Variants in SCMH1 observed in about 807,000 individuals in gnomAD.
The protein encoded by SCMH1 is polycomb protein SCMH1.
SCMH1 carries 37 observed loss-of-function variants against 70.8 expected under a neutral mutation model. That is an observed-to-expected ratio of 0.52 (90% CI 0.40 to 0.69). The LOEUF (loss-of-function observed/expected upper bound fraction) is 0.69, where lower values mean the gene tolerates loss of function less well. Among genes scored for constraint, SCMH1 ranks in the 30% least tolerant of loss-of-function variants. The probability of loss-of-function intolerance (pLI) is 0.00; values close to 1 mark genes in which losing one functional copy is unlikely to be tolerated. For synonymous variants in SCMH1, 292 were observed against 307.4 expected, an observed-to-expected ratio of 0.95 and a Z score of 0.52; for missense variants, 607 against 827.3, an observed-to-expected ratio of 0.73 and a Z score of 3.27.
At chr1:41,196,330 A>G (rs1341346423) in intron 1 of SCMH1, among the ~76,000 whole-genome samples, 6 of 152,176 alleles carry the variant, frequency 3.9e-5, no homozygotes, top group Admixed American at 3.9e-4. Context: ...ACAAAGCTAC[A>G]GTAATCAAAA....
chr1:41,050,146 G>A (rs1233100945), intron 10 of SCMH1, among the ~76,000 whole-genome samples: 1 of 152,152 alleles, frequency 6.6e-6, no homozygotes, highest in Non-Finnish European at 1.5e-5. Flanking sequence ...GTGGGGAAGG[G>A]GTGCAGTGGG....
At chr1:41,153,858 G>A (rs1216798628) in intron 4 of SCMH1, among the ~76,000 whole-genome samples, 1 of 152,134 alleles carries the variant, frequency 6.6e-6, no homozygotes, top group Non-Finnish European at 1.5e-5. Context: ...ATAATATTCT[G>A]CCATATCTCC....
intron 6 of SCMH1, among the ~76,000 whole-genome samples, chr1:41,119,411 T>C (rs1288069074): frequency 3.4e-5 from 5 of 148,998 alleles, no homozygotes; most frequent in African/African-American, 1.2e-4. Context: ...TCCTTTTTGC[T>C]TGCCCAGCTT....
intron 5 of SCMH1, among the ~76,000 whole-genome samples, chr1:41,151,208 C>T (rs925128667): frequency 6.6e-6 from 1 of 152,172 alleles, no homozygotes; most frequent in Non-Finnish European, 1.5e-5. Context: ...CACAGTGGGA[C>T]TCAGTGTCAA....
intron 1 of SCMH1, among the ~76,000 whole-genome samples, chr1:41,209,994 G>C (rs1158126764): frequency 6.6e-6 from 1 of 152,190 alleles, no homozygotes; most frequent in Non-Finnish European, 1.5e-5. Context: ...TCCTTAAGTT[G>C]ATAAGCAACT....
chr1:41,226,181 C>T (rs1426611752), intron 1 of SCMH1, among the ~76,000 whole-genome samples: 1 of 152,146 alleles, frequency 6.6e-6, no homozygotes, highest in African/African-American at 2.4e-5. Flanking sequence ...GAGGTTTATA[C>T]TTCATCTTTA....
chr1:41,186,766 T>A (rs1046371104), intron 1 of SCMH1, among the ~76,000 whole-genome samples: 1 of 152,180 alleles, frequency 6.6e-6, no homozygotes, highest in Non-Finnish European at 1.5e-5. Flanking sequence ...TTCTCTCACA[T>A]AGAGAAAAAT....
chr1:41,159,777 A>C, intron 4 of SCMH1: 1 of 1,506,596 alleles, frequency 6.6e-7, no homozygotes, highest in South Asian at 1.3e-5. Flanking sequence ...AGAATGCTTC[A>C]CTTCAAAGAA....
chr1:41,111,248 C>T (rs1162474865), intron 8 of SCMH1, among the ~76,000 whole-genome samples: 6 of 152,098 alleles, frequency 3.9e-5, no homozygotes. Flanking sequence ...TAATGGTTCC[C>T]TAATATGTTT....
intron 1 of SCMH1, among the ~76,000 whole-genome samples, chr1:41,235,297 T>G (rs1241350567): frequency 1.3e-5 from 2 of 151,548 alleles, no homozygotes; most frequent in Non-Finnish European, 1.5e-5. Flanking sequence ...ATAACAAGAG[T>G]GGAATGCTAT....
At chr1:41,080,466 C>T (rs575454391) in intron 8 of SCMH1, among the ~76,000 whole-genome samples, 23 of 152,036 alleles carry the variant, frequency 1.5e-4, no homozygotes, top group Non-Finnish European at 2.5e-4. Context: ...GAACATACAT[C>T]CAAAATCTTT....
intron 8 of SCMH1, among the ~76,000 whole-genome samples, chr1:41,095,457 A>C (rs1664814868): frequency 6.6e-6 from 1 of 152,206 alleles, no homozygotes. Flanking sequence ...CGTATTGGGC[A>C]GTGAAAACTG....
intron 1 of SCMH1, among the ~76,000 whole-genome samples, chr1:41,225,706 ATAAG>A (rs1660140026): frequency 1.3e-5 from 2 of 152,236 alleles, no homozygotes; most frequent in African/African-American, 4.8e-5. Context: ...TGGAAAAGTA[ATAAG>A]TAGTGAAAGG....
intron 4 of SCMH1, chr1:41,152,832 T>C: frequency 7.7e-7 from 1 of 1,298,356 alleles, no homozygotes; most frequent in Non-Finnish European, 1.0e-6. Flanking sequence ...TTATAGCTTC[T>C]GTTTTATAAC....
chr1:41,122,698 T>C (rs1352060798), intron 6 of SCMH1, among the ~76,000 whole-genome samples: 1 of 152,222 alleles, frequency 6.6e-6, no homozygotes, highest in Non-Finnish European at 1.5e-5. Flanking sequence ...AACTTACCAG[T>C]AGTCACACAA....
chr1:41,234,865 C>T (rs79554388), intron 1 of SCMH1, among the ~76,000 whole-genome samples: 1,669 of 152,274 alleles, frequency 0.011, 31 homozygotes, highest in African/African-American at 0.038. Flanking sequence ...TGTCACTTCC[C>T]TCCTTCTGCC....
At chr1:41,128,008 A>C (rs1312225881) in intron 6 of SCMH1, among the ~76,000 whole-genome samples, 1 of 152,198 alleles carries the variant, frequency 6.6e-6, no homozygotes, top group Non-Finnish European at 1.5e-5. Flanking sequence ...AGACTACCAC[A>C]CTACCTTTAT....
At chr1:41,232,441 A>T (rs894360930) in intron 1 of SCMH1, among the ~76,000 whole-genome samples, 1 of 152,244 alleles carries the variant, frequency 6.6e-6, no homozygotes, top group Non-Finnish European at 1.5e-5. Flanking sequence ...TTCAGACTAA[A>T]AATATATGTG....
At chr1:41,064,802 C>A (rs1028372761) in intron 10 of SCMH1, among the ~76,000 whole-genome samples, 1 of 151,908 alleles carries the variant, frequency 6.6e-6, no homozygotes, top group Non-Finnish European at 1.5e-5. Flanking sequence ...GTCTGTAGTT[C>A]TAGCTACCCA....
Sources: gnomAD v4.1 joint callset for allele counts (sites outside exome capture counted in the v4.1 genomes callset) on GRCh38, gnomAD v4.1.1 for gene constraint, MANE v1.5 for transcripts, NCBI Gene and HGNC (gene_info 2026-07-23, HGNC 2026-07-21) for gene names.